Variants in FBXW7 observed in about 807,000 individuals in gnomAD.
FBXW7 encodes the protein F-box/WD repeat-containing protein 7.
Under a neutral mutation model 86.3 loss-of-function variants are expected in FBXW7, and 11 were observed. The observed-to-expected ratio is 0.13, with a 90% CI of 0.08 to 0.21. FBXW7 has a LOEUF of 0.21. FBXW7 is among the 10% of genes least tolerant of loss of function. The probability of loss-of-function intolerance (pLI) is 1.00; values close to 1 mark genes in which losing one functional copy is unlikely to be tolerated. For synonymous variants in FBXW7, 313 were observed against 297.9 expected (o/e 1.05, Z -0.52); for missense variants, 488 against 847.4 (o/e 0.58, Z 5.27).
At chr4:152,430,068 A>G (rs973804047) in intron 2 of FBXW7, among the ~76,000 whole-genome samples, 2 of 152,218 alleles carry the variant, frequency 1.3e-5, no homozygotes, top group African/African-American at 4.8e-5. Context: ...ACCAGAATGA[A>G]GGAAACCTTT....
intron 4 of FBXW7, among the ~76,000 whole-genome samples, chr4:152,382,932 T>C (rs1161010980): frequency 6.6e-6 from 1 of 152,108 alleles, no homozygotes; most frequent in Non-Finnish European, 1.5e-5. Context: ...AGATATATTA[T>C]AATGAGCACT....
chr4:152,528,964 T>C (rs1749769959), intron 2 of FBXW7, among the ~76,000 whole-genome samples: 2 of 151,990 alleles, frequency 1.3e-5, no homozygotes, highest in African/African-American at 4.8e-5. Flanking sequence ...GTGTGTACAT[T>C]TTCCCCCATT....
At chr4:152,445,678 G>C (rs909233887) in intron 2 of FBXW7, among the ~76,000 whole-genome samples, 13 of 151,934 alleles carry the variant, frequency 8.6e-5, no homozygotes, top group Non-Finnish European at 1.8e-4. Flanking sequence ...GAGGCCAAGC[G>C]GGGCAGATCA....
chr4:152,426,694 T>C (rs902384807), intron 2 of FBXW7, among the ~76,000 whole-genome samples: 2 of 152,160 alleles, frequency 1.3e-5, no homozygotes, highest in African/African-American at 4.8e-5. Context: ...GTAGGTCGTT[T>C]GCCCACTCGG....
At chr4:152,513,452 C>A (rs542369591) in intron 2 of FBXW7, among the ~76,000 whole-genome samples, 1 of 151,902 alleles carries the variant, frequency 6.6e-6, no homozygotes, top group African/African-American at 2.4e-5. Flanking sequence ...GAGGATACAG[C>A]CCGAGAAAAA....
chr4:152,373,558 A>G (rs937782814), intron 4 of FBXW7, among the ~76,000 whole-genome samples: 1 of 151,954 alleles, frequency 6.6e-6, no homozygotes, highest in African/African-American at 2.4e-5. Context: ...AGTATACTTA[A>G]TATGAAAAAA....
intron 4 of FBXW7, among the ~76,000 whole-genome samples, chr4:152,392,107 T>G (rs1162975005): frequency 1.3e-5 from 2 of 152,176 alleles, no homozygotes; most frequent in Non-Finnish European, 1.5e-5. Flanking sequence ...AAAGATATTA[T>G]GAACTCTTAT....
intron 5 of FBXW7, among the ~76,000 whole-genome samples, chr4:152,347,816 T>C (rs2126640247): frequency 6.6e-6 from 1 of 152,206 alleles, no homozygotes; most frequent in African/African-American, 2.4e-5. Context: ...GACGACTAGA[T>C]GATCTCTCTA....
intron 4 of FBXW7, among the ~76,000 whole-genome samples, chr4:152,372,368 C>T (rs1198473105): frequency 6.6e-6 from 1 of 151,902 alleles, no homozygotes; most frequent in Non-Finnish European, 1.5e-5. Flanking sequence ...TTGGAGACAG[C>T]TGTGTTCCTA....
chr4:152,405,842 GA>G (rs1397827684), intron 4 of FBXW7, among the ~76,000 whole-genome samples: 1 of 152,166 alleles, frequency 6.6e-6, no homozygotes, highest in Non-Finnish European at 1.5e-5. Context: ...TATTGAGAGG[GA>G]AAAGATAACC....
intron 2 of FBXW7, among the ~76,000 whole-genome samples, chr4:152,516,878 T>A (rs1748543271): frequency 6.6e-6 from 1 of 152,230 alleles, no homozygotes. Context: ...CAGGCTGGAC[T>A]GCAGTAGCAC....
At chr4:152,486,450 C>T (rs1745350002) in intron 2 of FBXW7, among the ~76,000 whole-genome samples, 1 of 152,060 alleles carries the variant, frequency 6.6e-6, no homozygotes, top group African/African-American at 2.4e-5. Context: ...ATTTTACAAG[C>T]CTTTTCTATT....
At chr4:152,452,710 C>T (rs933091979) in intron 2 of FBXW7, among the ~76,000 whole-genome samples, 3 of 152,150 alleles carry the variant, frequency 2.0e-5, no homozygotes, top group African/African-American at 7.2e-5. Flanking sequence ...ATAAGAACAG[C>T]TTCTAAAACT....
intron 2 of FBXW7, among the ~76,000 whole-genome samples, chr4:152,490,138 C>CAA (rs1198454910): frequency 6.6e-6 from 1 of 151,924 alleles, no homozygotes; most frequent in Non-Finnish European, 1.5e-5. Context: ...ATCATAAAGA[C>CAA]AGAGTATAAC....
chr4:152,450,583 G>A (rs1366448293), intron 2 of FBXW7, among the ~76,000 whole-genome samples: 1 of 152,162 alleles, frequency 6.6e-6, no homozygotes, highest in Non-Finnish European at 1.5e-5. Context: ...GGGAAGCTAA[G>A]AGTAGTAATG....
At chr4:152,330,699 C>T (rs754075366) in intron 9 of FBXW7, 33 bp downstream of exon 9, 20 of 1,597,676 alleles carry the variant, frequency 1.3e-5, no homozygotes, top group African/African-American at 9.4e-5. Flanking sequence ...CACTGATTAA[C>T]GGTTTCTGTT....
In FBXW7 at chr4:152,325,987, G is replaced by T. The variant is rs2126491289; in HGVS notation, c.1644+19C>A. The T allele has an allele frequency of 1.3e-6, 2 of 1,583,798 alleles. No individual in the cohort carries two copies. Among genetic ancestry groups the T allele is most frequent in the Non-Finnish European group, 1.7e-6 (2 of 1,152,906 alleles). ...TGATTCATCAGGAGAGCATTTAAGG[G>T]AGAGATAAGAGATCTTACCTGTAAT... On this transcript the variant is annotated intron_variant, in intron 12 of 13. Transcript: ENST00000281708.
chr4:152,485,331 G>T (rs1347447576), intron 2 of FBXW7, among the ~76,000 whole-genome samples: 1 of 152,022 alleles, frequency 6.6e-6, no homozygotes, highest in Non-Finnish European at 1.5e-5. Flanking sequence ...ATAGCGATCT[G>T]ACTATATACC....
chr4:152,332,067 A>C (rs1372940458), intron 8 of FBXW7, among the ~76,000 whole-genome samples: 1 of 151,898 alleles, frequency 6.6e-6, no homozygotes, highest in Non-Finnish European at 1.5e-5. Flanking sequence ...ATATTTTTTC[A>C]AAAATATTTT....
Sources: allele counts gnomAD v4.1 joint callset (sites outside exome capture counted in the v4.1 genomes callset), GRCh38; gene constraint gnomAD v4.1.1; transcripts MANE v1.5; gene names NCBI Gene and HGNC (gene_info 2026-07-23, HGNC 2026-07-21).